Variants in DOK6 observed in about 807,000 individuals in gnomAD.
The protein encoded by DOK6 is downstream of tyrosine kinase 6.
A neutral mutation model predicts 44.0 loss-of-function variants in DOK6; 22 were observed. The ratio of observed to expected loss-of-function variants is 0.50; its 90% CI spans 0.36 to 0.71. The LOEUF (loss-of-function observed/expected upper bound fraction) is 0.71. Ranked by LOEUF, DOK6 falls within the 30% of genes least tolerant of loss-of-function variation. The probability of loss-of-function intolerance (pLI) is 0.00; values close to 1 mark genes in which losing one functional copy is unlikely to be tolerated. For synonymous variants in DOK6, 166 were observed against 145.5 expected, an observed-to-expected ratio of 1.14 and a Z score of -1.01; for missense variants, 340 against 416.4, an observed-to-expected ratio of 0.82 and a Z score of 1.60.
At chr18:69,612,415 AT>A (rs1320070945) in intron 3 of DOK6, among the ~76,000 whole-genome samples, 2 of 146,530 alleles carry the variant, frequency 1.4e-5, no homozygotes, top group East Asian at 3.9e-4. Context: ...GCGAGGGCGC[AT>A]GTGTGCGAGG....
chr18:69,491,444 C>G (rs1035974338), intron 1 of DOK6, among the ~76,000 whole-genome samples: 2 of 152,144 alleles, frequency 1.3e-5, no homozygotes, highest in South Asian at 4.1e-4. Context: ...TTCTTTTATG[C>G]ATCATTGTAT....
At chr18:69,755,248 A>G (rs1979317077) in intron 6 of DOK6, among the ~76,000 whole-genome samples, 1 of 152,192 alleles carries the variant, frequency 6.6e-6, no homozygotes, top group South Asian at 2.1e-4. Flanking sequence ...TATTTCCAGC[A>G]AACAAAAAAT....
chr18:69,633,810 G>A (rs1258565062), intron 3 of DOK6, among the ~76,000 whole-genome samples: 1 of 152,104 alleles, frequency 6.6e-6, no homozygotes, highest in Non-Finnish European at 1.5e-5. Flanking sequence ...AGAAATGATT[G>A]TGAGACCATT....
At chr18:69,780,625 A>C (rs1170276136) in intron 7 of DOK6, among the ~76,000 whole-genome samples, 1 of 152,204 alleles carries the variant, frequency 6.6e-6, no homozygotes, top group East Asian at 1.9e-4. Flanking sequence ...ACATTGAAAC[A>C]TTGAACATTA....
intron 5 of DOK6, among the ~76,000 whole-genome samples, chr18:69,705,922 A>G (rs1348981480): frequency 1.4e-5 from 2 of 141,288 alleles, no homozygotes; most frequent in Non-Finnish European, 3.2e-5. Flanking sequence ...TGTGATTAAA[A>G]AAAAAAAAAA....
At chr18:69,734,207 A>G (rs115348985) in intron 5 of DOK6, among the ~76,000 whole-genome samples, 1,750 of 151,550 alleles carry the variant, frequency 0.012, 37 homozygotes, top group African/African-American at 0.04. Context: ...GCTTTCCCTA[A>G]CTGACTTGAG....
intron 5 of DOK6, among the ~76,000 whole-genome samples, chr18:69,700,495 A>G (rs1986494539): frequency 6.6e-6 from 1 of 152,102 alleles, no homozygotes; most frequent in South Asian, 2.1e-4. Context: ...ACCTGTCCAC[A>G]TTAGTTTTTT....
At chr18:69,794,644 G>A (rs1364885301) in intron 7 of DOK6, among the ~76,000 whole-genome samples, 1 of 152,048 alleles carries the variant, frequency 6.6e-6, no homozygotes, top group African/African-American at 2.4e-5. Context: ...CAATCACCAG[G>A]CCAAAGACCA....
chr18:69,427,780 CT>C (rs113549020), intron 1 of DOK6, among the ~76,000 whole-genome samples: 65,409 of 143,804 alleles, frequency 0.45, 14,712 homozygotes, highest in East Asian at 0.62. Flanking sequence ...AATACCCTAC[CT>C]TTTTTTTTTT....
intron 5 of DOK6, among the ~76,000 whole-genome samples, chr18:69,701,963 TAAAAC>T (rs1986529989): frequency 6.6e-6 from 1 of 152,026 alleles, no homozygotes; most frequent in South Asian, 2.1e-4. Flanking sequence ...AGAGGAAAGA[TAAAAC>T]AGAAAGTTCT....
intron 5 of DOK6, among the ~76,000 whole-genome samples, chr18:69,699,367 A>C (rs1599270597): frequency 6.6e-6 from 1 of 152,312 alleles, no homozygotes; most frequent in East Asian, 1.9e-4. Flanking sequence ...TTTTAAGTTT[A>C]TAACTTTCTT....
At chr18:69,703,091 A>G (rs1384411062) in intron 5 of DOK6, among the ~76,000 whole-genome samples, 2 of 152,004 alleles carry the variant, frequency 1.3e-5, no homozygotes, top group East Asian at 3.9e-4. Flanking sequence ...ATAGCAAGAG[A>G]TTTACCAGAT....
intron 7 of DOK6, among the ~76,000 whole-genome samples, chr18:69,776,085 A>C (rs1980053272): frequency 6.6e-6 from 1 of 152,046 alleles, no homozygotes; most frequent in Non-Finnish European, 1.5e-5. Flanking sequence ...AAAAAATTGA[A>C]AACATGACAA....
chr18:69,574,067 G>C (rs1018876621), intron 2 of DOK6, among the ~76,000 whole-genome samples: 8 of 151,858 alleles, frequency 5.3e-5, no homozygotes, highest in African/African-American at 1.9e-4. Context: ...CTCTTTATTG[G>C]GGAATTGCTA....
At chr18:69,547,932 A>ATATATATATAATATATATATAT (rs1982449362) in intron 1 of DOK6, among the ~76,000 whole-genome samples, 1 of 142,750 alleles carries the variant, frequency 7.0e-6, no homozygotes, top group African/African-American at 2.5e-5. Flanking sequence ...ATAATATATA[A>ATATATATATAATATATATATAT]TATATATATA....
intron 7 of DOK6, among the ~76,000 whole-genome samples, chr18:69,772,890 A>G (rs532505019): frequency 6.6e-6 from 1 of 152,222 alleles, no homozygotes; most frequent in Admixed American, 6.6e-5. Context: ...AACAATAAAC[A>G]GAGGAAGCAG....
intron 1 of DOK6, among the ~76,000 whole-genome samples, chr18:69,522,267 T>A (rs1290136879): frequency 1.3e-5 from 2 of 151,864 alleles, no homozygotes; most frequent in Non-Finnish European, 2.9e-5. Context: ...ATTGCATTAG[T>A]AGGAAACAAA....
At chr18:69,486,336 C>T (rs1008527640) in intron 1 of DOK6, among the ~76,000 whole-genome samples, 3 of 151,904 alleles carry the variant, frequency 2.0e-5, no homozygotes, top group African/African-American at 4.8e-5. Flanking sequence ...CTTTAGAAAA[C>T]GTTAGGAGAA....
chr18:69,587,282 C>T (rs572894046), intron 2 of DOK6, among the ~76,000 whole-genome samples: 1 of 152,224 alleles, frequency 6.6e-6, no homozygotes, highest in South Asian at 2.1e-4. Flanking sequence ...AGGGGGTCTC[C>T]TTGCTTGCAT....
Sources: gnomAD v4.1 joint callset for allele counts (sites outside exome capture counted in the v4.1 genomes callset) on GRCh38, gnomAD v4.1.1 for gene constraint, MANE v1.5 for transcripts, NCBI Gene and HGNC (gene_info 2026-07-23, HGNC 2026-07-21) for gene names.